WAC: variants seen among roughly 807,000 people sequenced by gnomAD.
The protein encoded by WAC is WW domain-containing adapter protein with coiled-coil.
Under a neutral mutation model 79.6 loss-of-function variants are expected in WAC, and 11 were observed. That is an observed-to-expected ratio of 0.14 (90% CI 0.09 to 0.23). The LOEUF (loss-of-function observed/expected upper bound fraction) is 0.23, where lower values mean the gene tolerates loss of function less well. Ranked by LOEUF, WAC falls within the 10% of genes least tolerant of loss-of-function variation. The pLI, the probability that WAC is intolerant of heterozygous loss-of-function variation, is 1.00. For missense variants in WAC, 728 were observed against 773.5 expected, an observed-to-expected ratio of 0.94 and a Z score of 0.70; for synonymous variants, 304 against 276.9, an observed-to-expected ratio of 1.10 and a Z score of -0.97.
At chr10:28,562,556 A>G (rs866916832) in intron 3 of WAC, among the ~76,000 whole-genome samples, 7 of 152,198 alleles carry the variant, frequency 4.6e-5, no homozygotes, top group South Asian at 4.1e-4. Context: ...GCTGAATGAT[A>G]TGGTGATTTA....
intron 3 of WAC, among the ~76,000 whole-genome samples, chr10:28,573,763 C>T (rs532601817): frequency 6.6e-6 from 1 of 152,210 alleles, no homozygotes; most frequent in African/African-American, 2.4e-5. Flanking sequence ...GTGTATAGTT[C>T]ACTGATTTTT....
intron 13 of WAC, among the ~76,000 whole-genome samples, chr10:28,618,531 C>G (rs993259122): frequency 2.0e-5 from 3 of 152,190 alleles, no homozygotes; most frequent in Admixed American, 1.3e-4. Flanking sequence ...GAAAGTAGTT[C>G]TAACAAACTT....
chr10:28,572,187 A>G (rs540137552), intron 3 of WAC, among the ~76,000 whole-genome samples: 1 of 151,798 alleles, frequency 6.6e-6, no homozygotes, highest in Non-Finnish European at 1.5e-5. Context: ...AAGTACAAAA[A>G]TTAGCCGGGC....
chr10:28,570,261 T>TA (rs1159692983), intron 3 of WAC, among the ~76,000 whole-genome samples: 1 of 152,258 alleles, frequency 6.6e-6, no homozygotes, highest in Non-Finnish European at 1.5e-5. Context: ...TTAAAGTTAC[T>TA]AGTTACCAAC....
At chr10:28,536,232 A>G (rs1487419421) in intron 3 of WAC, among the ~76,000 whole-genome samples, 1 of 131,426 alleles carries the variant, frequency 7.6e-6, no homozygotes, top group Non-Finnish European at 1.6e-5. Context: ...TGGGTGCTAG[A>G]GTGAGACTCC....
intron 3 of WAC, among the ~76,000 whole-genome samples, chr10:28,578,156 C>G (rs1168231007): frequency 6.7e-6 from 1 of 149,152 alleles, no homozygotes; most frequent in Non-Finnish European, 1.5e-5. Flanking sequence ...GATCCTGTCT[C>G]AAAACAAAAC....
At chr10:28,557,502 C>T (rs899461724) in intron 3 of WAC, among the ~76,000 whole-genome samples, 5 of 152,014 alleles carry the variant, frequency 3.3e-5, no homozygotes, top group African/African-American at 1.2e-4. Context: ...TCAAGACCCA[C>T]CTGAACATAG....
intron 3 of WAC, among the ~76,000 whole-genome samples, chr10:28,542,161 A>C (rs968609823): frequency 6.6e-6 from 1 of 151,974 alleles, no homozygotes; most frequent in Non-Finnish European, 1.5e-5. Context: ...TGTTTCTCCT[A>C]CTGTGCTCAC....
chr10:28,613,094 A>G (rs1436896356), intron 10 of WAC, among the ~76,000 whole-genome samples: 1 of 152,110 alleles, frequency 6.6e-6, no homozygotes, highest in Non-Finnish European at 1.5e-5. Flanking sequence ...GCAAGACCCC[A>G]TCTCTACAAA....
At chr10:28,593,043 C>T (rs1840178013) in intron 6 of WAC, among the ~76,000 whole-genome samples, 1 of 152,190 alleles carries the variant, frequency 6.6e-6, no homozygotes, top group Non-Finnish European at 1.5e-5. Flanking sequence ...CTGCCCACTT[C>T]TCTGATTACT....
intron 7 of WAC, among the ~76,000 whole-genome samples, chr10:28,597,571 T>A (rs1347322097): frequency 1.3e-5 from 2 of 152,208 alleles, no homozygotes; most frequent in African/African-American, 2.4e-5. Flanking sequence ...TTCCTCTGTT[T>A]GGTTCTTTTT....
chr10:28,593,289 G>T (rs1489129520), intron 6 of WAC, among the ~76,000 whole-genome samples: 1 of 152,098 alleles, frequency 6.6e-6, no homozygotes, highest in South Asian at 2.1e-4. Flanking sequence ...TTGTGTTTCG[G>T]TGTATTGGTG....
At chr10:28,549,350 A>G (rs1033078046) in intron 3 of WAC, among the ~76,000 whole-genome samples, 3 of 152,062 alleles carry the variant, frequency 2.0e-5, no homozygotes, top group African/African-American at 7.2e-5. Flanking sequence ...AGCTGTGGGT[A>G]TCTCATGCTT....
At chr10:28,559,459 C>T (rs1009629008) in intron 3 of WAC, among the ~76,000 whole-genome samples, 12 of 151,992 alleles carry the variant, frequency 7.9e-5, no homozygotes, top group African/African-American at 2.9e-4. Flanking sequence ...GAAGGAGTAA[C>T]GAGTTGACCT....
At chr10:28,559,396 A>G (rs1323655160) in intron 3 of WAC, among the ~76,000 whole-genome samples, 2 of 152,156 alleles carry the variant, frequency 1.3e-5, no homozygotes, top group Non-Finnish European at 2.9e-5. Flanking sequence ...TTGTTTAAAC[A>G]AGTTAGCTAC....
At chr10:28,540,271 A>G (rs1258285373) in intron 3 of WAC, among the ~76,000 whole-genome samples, 1 of 152,234 alleles carries the variant, frequency 6.6e-6, no homozygotes. Flanking sequence ...AACAGAGAGC[A>G]ACAGCTCAGT....
chr10:28,587,554 A>G (rs904869393), intron 4 of WAC, among the ~76,000 whole-genome samples: 5 of 152,272 alleles, frequency 3.3e-5, no homozygotes, highest in African/African-American at 1.2e-4. Context: ...GGCCAAATCT[A>G]GAAAACTTTA....
At chr10:28,585,544 C>CA in intron 4 of WAC, among the ~76,000 whole-genome samples, 1 of 141,270 alleles carries the variant, frequency 7.1e-6, no homozygotes. Context: ...TTTTTCCTTT[C>CA]TTTTTTTTTT....
intron 3 of WAC, among the ~76,000 whole-genome samples, chr10:28,577,550 T>G (rs985242968): frequency 6.6e-6 from 1 of 152,228 alleles, no homozygotes; most frequent in African/African-American, 2.4e-5. Flanking sequence ...AGTACAGATA[T>G]GTGGCTTTCT....
Sources: gnomAD v4.1 joint callset for allele counts (sites outside exome capture counted in the v4.1 genomes callset) on GRCh38, gnomAD v4.1.1 for gene constraint, MANE v1.5 for transcripts, NCBI Gene and HGNC (gene_info 2026-07-23, HGNC 2026-07-21) for gene names.